Variants in SCMH1 observed in about 807,000 individuals in gnomAD.
SCMH1 encodes the protein polycomb protein SCMH1.
In SCMH1, 37 loss-of-function variants were observed where a neutral mutation model predicts 70.8. That is an observed-to-expected ratio of 0.52 (90% CI 0.40 to 0.69). The LOEUF (loss-of-function observed/expected upper bound fraction) is 0.69. Among genes scored for constraint, SCMH1 ranks in the 30% least tolerant of loss-of-function variants. SCMH1 has a pLI of 0.00. For synonymous variants in SCMH1, 292 were observed against 307.4 expected (o/e 0.95, Z 0.52); for missense variants, 607 against 827.3 (o/e 0.73, Z 3.27).
intron 1 of SCMH1, among the ~76,000 whole-genome samples, chr1:41,233,473 G>A (rs1661708594): frequency 6.6e-6 from 1 of 152,040 alleles, no homozygotes; most frequent in East Asian, 1.9e-4. Flanking sequence ...AAGATCAAAA[G>A]TCTTTCGATC....
chr1:41,131,735 G>C (rs1219033663), intron 6 of SCMH1, among the ~76,000 whole-genome samples: 2 of 152,126 alleles, frequency 1.3e-5, no homozygotes, highest in African/African-American at 2.4e-5. Flanking sequence ...CCTGGTGTGT[G>C]ATGTTCTTTT....
At chr1:41,205,178 T>G (rs1376763660) in intron 1 of SCMH1, among the ~76,000 whole-genome samples, 8 of 152,262 alleles carry the variant, frequency 5.3e-5, no homozygotes, top group African/African-American at 1.9e-4. Context: ...CTGGTTCATC[T>G]CATTGGGACT....
chr1:41,048,546 GT>G, intron 11 of SCMH1, 143 bp downstream of exon 11: 1 of 724,250 alleles, frequency 1.4e-6, no homozygotes, highest in Non-Finnish European at 2.3e-6. Flanking sequence ...CTCTTGGGGG[GT>G]TGGAGATGAG....
intron 13 of SCMH1, among the ~76,000 whole-genome samples, chr1:41,037,069 C>G (rs1198599163): frequency 6.7e-6 from 1 of 149,100 alleles, no homozygotes; most frequent in African/African-American, 2.6e-5. Context: ...TTCCCCATGC[C>G]AAACACAAAT....
chr1:41,146,640 AT>A (rs1450492853), intron 5 of SCMH1, among the ~76,000 whole-genome samples: 1 of 152,152 alleles, frequency 6.6e-6, no homozygotes, highest in Non-Finnish European at 1.5e-5. Flanking sequence ...GTATAGTAAT[AT>A]GCTGGACAGT....
chr1:41,224,025 T>G (rs1018676084), intron 1 of SCMH1, among the ~76,000 whole-genome samples: 1 of 152,098 alleles, frequency 6.6e-6, no homozygotes, highest in Non-Finnish European at 1.5e-5. Flanking sequence ...TTCTTAACCT[T>G]AATACACAGC....
At chr1:41,137,928 C>T (rs1208753201) in intron 6 of SCMH1, among the ~76,000 whole-genome samples, 1 of 152,184 alleles carries the variant, frequency 6.6e-6, no homozygotes, top group Non-Finnish European at 1.5e-5. Context: ...TTATATTAAA[C>T]TTTCTATGTT....
Position 41,070,722 on chromosome 1 carries a change from C to T in SCMH1, c.979-1G>A. The stretch of plus-strand genomic sequence containing the variant: ...GGTTCAGCAAAGTCCGAGGTTTCCT[C>T]TGTCAAAATGAATGGGAAAAAAATT... On this transcript the variant is annotated splice_acceptor_variant, in intron 9 of 14. Coordinates refer to ENST00000337495, the Ensembl canonical transcript of SCMH1. LOFTEE classifies it high-confidence loss of function. The T allele has an allele frequency of 6.2e-7, 1 of 1,613,904 alleles. No homozygotes were observed. The highest frequency in any genetic ancestry group is 1.3e-5 in the African/African-American group (1 of 75,032).
At chr1:41,079,632 A>G (rs1426659850) in intron 8 of SCMH1, among the ~76,000 whole-genome samples, 2 of 152,178 alleles carry the variant, frequency 1.3e-5, no homozygotes, top group African/African-American at 4.8e-5. Flanking sequence ...TGCCAATTAA[A>G]TATGAAAATT....
intron 10 of SCMH1, among the ~76,000 whole-genome samples, chr1:41,064,093 C>CA (rs1653748786): frequency 6.6e-6 from 1 of 152,102 alleles, no homozygotes; most frequent in Admixed American, 6.5e-5. Flanking sequence ...ACTCAACATT[C>CA]AAAAATCAAT....
intron 10 of SCMH1, among the ~76,000 whole-genome samples, chr1:41,062,724 G>A (rs1224683517): frequency 6.8e-5 from 10 of 147,718 alleles, no homozygotes; most frequent in African/African-American, 2.5e-4. Flanking sequence ...GGGGGACAGA[G>A]AGAGACTCCA....
At chr1:41,058,092 G>A (rs1289945442) in intron 10 of SCMH1, among the ~76,000 whole-genome samples, 2 of 143,974 alleles carry the variant, frequency 1.4e-5, no homozygotes, top group African/African-American at 5.2e-5. Flanking sequence ...CTGCACTCCA[G>A]CCTGAGAGAC....
chr1:41,034,310 G>A (rs12072990), intron 13 of SCMH1, among the ~76,000 whole-genome samples: 80,771 of 150,774 alleles, frequency 0.54, 23,438 homozygotes, highest in African/African-American at 0.77. Context: ...CTCCGCTGAG[G>A]TGACTTTTTT....
chr1:41,037,451 A>G (rs1156814948), exon 13 of SCMH1: 2 of 1,614,104 alleles, frequency 1.2e-6, no homozygotes, highest in Non-Finnish European at 1.7e-6. Context: ...GGAGGTGCTG[A>G]CAAGGTTGGT....
intron 2 of SCMH1, among the ~76,000 whole-genome samples, chr1:41,173,907 A>T (rs1171119280): frequency 6.6e-6 from 1 of 152,184 alleles, no homozygotes; most frequent in Non-Finnish European, 1.5e-5. Context: ...AAGCTAAAAA[A>T]GTTGACCTCA....
At chr1:41,082,042 A>T (rs553498534) in intron 8 of SCMH1, among the ~76,000 whole-genome samples, 1 of 152,314 alleles carries the variant, frequency 6.6e-6, no homozygotes, top group African/African-American at 2.4e-5. Flanking sequence ...ATTTCACACC[A>T]GATACAAAAA....
At chr1:41,165,216 C>T (rs990677458) in intron 2 of SCMH1, among the ~76,000 whole-genome samples, 2 of 152,084 alleles carry the variant, frequency 1.3e-5, no homozygotes, top group Admixed American at 1.3e-4. Flanking sequence ...GACAGAATTT[C>T]CTCTTTTTTA....
At chr1:41,065,073 T>C (rs543187658) in intron 10 of SCMH1, among the ~76,000 whole-genome samples, 46 of 152,368 alleles carry the variant, frequency 3.0e-4, no homozygotes, top group African/African-American at 1.1e-3. Flanking sequence ...TAAACAGATA[T>C]TTTGTGTTCA....
chr1:41,109,897 T>C (rs985815865), intron 8 of SCMH1, among the ~76,000 whole-genome samples: 1 of 152,182 alleles, frequency 6.6e-6, no homozygotes, highest in African/African-American at 2.4e-5. Context: ...TCTAGATTTA[T>C]CAGTCAAAAG....
Sources: allele counts gnomAD v4.1 joint callset (sites outside exome capture counted in the v4.1 genomes callset), GRCh38; gene constraint gnomAD v4.1.1; transcripts MANE v1.5; gene names NCBI Gene and HGNC (gene_info 2026-07-23, HGNC 2026-07-21).